The following WDR1 variants were observed in gnomAD, a reference collection of about 807,000 sequenced individuals.
The protein encoded by WDR1 is WD repeat domain 1.
Under a neutral mutation model 71.9 loss-of-function variants are expected in WDR1, and 21 were observed. That is an observed-to-expected ratio of 0.29 (90% CI 0.21 to 0.42). WDR1 has a LOEUF of 0.42. WDR1 is among the 10% of genes least tolerant of loss of function. The pLI is 1.00. For synonymous variants in WDR1, 424 were observed against 347.4 expected, an observed-to-expected ratio of 1.22 and a Z score of -2.45; for missense variants, 696 against 824.5, an observed-to-expected ratio of 0.84 and a Z score of 1.91.
chr4:10,109,492 A>T (rs1350639793), intron 2 of WDR1, among the ~76,000 whole-genome samples: 2 of 152,250 alleles, frequency 1.3e-5, no homozygotes, highest in African/African-American at 4.8e-5. Flanking sequence ...GTGTGCTTCC[A>T]AACAGTGTAC....
chr4:10,086,120 T>G (rs1218827150), intron 8 of WDR1, among the ~76,000 whole-genome samples: 1 of 152,086 alleles, frequency 6.6e-6, no homozygotes. Context: ...TGGGAAACTG[T>G]TTTTCTGGGC....
intron 5 of WDR1, among the ~76,000 whole-genome samples, chr4:10,093,773 G>A (rs934343682): frequency 6.6e-6 from 1 of 151,094 alleles, no homozygotes; most frequent in African/African-American, 2.4e-5. Context: ...CTGAAGACAA[G>A]GGAGGCGGTC....
intron 1 of WDR1, chr4:10,116,449 C>G (rs1713737195): frequency 1.2e-6 from 1 of 815,676 alleles, no homozygotes; most frequent in Non-Finnish European, 1.7e-6. Flanking sequence ...CGGCTCGGCC[C>G]ACGGCGCCAA....
chr4:10,077,463 A>G lies in WDR1; in HGVS notation c.1570-15T>C, dbSNP rs759688615. ...ACATTGTTCTCCTAGTTGCAGGTTG[A>G]AAACAAGAGAGGTGGCAGGTCAGGT... is the stretch of plus-strand genomic sequence containing the variant. On this transcript the variant is annotated splice_polypyrimidine_tract_variant and intron_variant, in intron 13 of 14. Transcript: ENST00000499869. 1 of 1,613,832 alleles carries G rather than the reference A, an allele frequency of 6.2e-7. No homozygotes were observed. Among genetic ancestry groups the G allele is most frequent in the South Asian group, 1.1e-5 (1 of 91,092 alleles).
At chr4:10,100,492 C>G (rs1354887616) in intron 3 of WDR1, among the ~76,000 whole-genome samples, 1 of 152,236 alleles carries the variant, frequency 6.6e-6, no homozygotes, top group Admixed American at 6.5e-5. Flanking sequence ...CACGAAGATG[C>G]CTTGCTTGTG....
intron 6 of WDR1, 41 bp from the exon 7 acceptor site, chr4:10,088,414 C>G: frequency 6.5e-7 from 1 of 1,532,738 alleles, no homozygotes; most frequent in South Asian, 1.2e-5. Flanking sequence ...TGTGTGTGAA[C>G]ACCCTCTGGA....
At chr4:10,113,584 C>T (rs951342400) in intron 2 of WDR1, among the ~76,000 whole-genome samples, 3 of 147,250 alleles carry the variant, frequency 2.0e-5, no homozygotes, top group Admixed American at 6.9e-5. Flanking sequence ...GCCACTCCAG[C>T]GAGTGTTGTG....
At chr4:10,081,663 T>TC (rs1237125348) in intron 10 of WDR1, among the ~76,000 whole-genome samples, 1 of 73,170 alleles carries the variant, frequency 1.4e-5, no homozygotes, top group Non-Finnish European at 2.6e-5. Context: ...CGGGGAGGGG[T>TC]GGGGGGGGGG....
At chr4:10,093,114 G>A (rs770934949) in intron 5 of WDR1, 54 of 1,289,350 alleles carry the variant, frequency 4.2e-5, no homozygotes, top group South Asian at 1.7e-4. Context: ...ATCACAGAGC[G>A]ACAGAGCGCT....
At position 10,079,138 on chromosome 4, in the gene WDR1, T is replaced by C. The variant is rs1004815997; in HGVS notation, c.1285-137A>G. ...TACCCAACCTCTTTGCAGGGCCACC[T>C]GGGGCTCTGAGCCACACCACCTGGA... On this transcript the variant is annotated intron_variant, in intron 11 of 14. Transcript: ENST00000499869. 15 of 627,258 alleles carry C rather than the reference T, an allele frequency of 2.4e-5. No individual in the cohort carries two copies. The South Asian group carries it at 2.6e-4, about 11-fold the overall frequency. The allele number at this position is 627,258 out of a possible 1,614,324, so 38.9% of individuals were successfully genotyped here.
chr4:10,109,522 C>T (rs943877786), intron 2 of WDR1, among the ~76,000 whole-genome samples: 1 of 152,222 alleles, frequency 6.6e-6, no homozygotes, highest in Non-Finnish European at 1.5e-5. Flanking sequence ...CTTGAGCTGG[C>T]TGAGGACGGG....
At chr4:10,086,361 A>G (rs1711551979) in intron 8 of WDR1, among the ~76,000 whole-genome samples, 1 of 152,204 alleles carries the variant, frequency 6.6e-6, no homozygotes, top group Non-Finnish European at 1.5e-5. Flanking sequence ...TTTATGGTTC[A>G]GCCTTCCCCC....
At chr4:10,078,117 C>T (rs1251217375) in intron 12 of WDR1, among the ~76,000 whole-genome samples, 191 bp from the exon 13 acceptor site, 1 of 152,234 alleles carries the variant, frequency 6.6e-6, no homozygotes, top group East Asian at 1.9e-4. Context: ...TCTATGAAAA[C>T]AGCTGTTGGT....
Position 10,077,294 on chromosome 4 carries a change from C to T in WDR1, c.1714+10G>A, listed in dbSNP as rs374974499. On this transcript the variant is annotated intron_variant, in intron 14 of 14. Transcript: ENST00000499869. Reference sequence around the variant, plus strand: ...GGTGGTCCCTGCCAAGGCCTGGGGGCGGAAGTCACCTTGGATCTTGACTCT... The same window carrying T: ...GGTGGTCCCTGCCAAGGCCTGGGGGTGGAAGTCACCTTGGATCTTGACTCT... 5.5e-5 allele frequency: 89 copies of T among 1,613,558 alleles called. No individual in the cohort carries two copies. Among genetic ancestry groups the T allele is most frequent in the East Asian group, 2.7e-4 (12 of 44,888 alleles).
chr4:10,100,276 C>G (rs961323173), intron 3 of WDR1, among the ~76,000 whole-genome samples: 1 of 152,212 alleles, frequency 6.6e-6, no homozygotes, highest in Non-Finnish European at 1.5e-5. Context: ...CCAGCCTCTG[C>G]CACACACAGG....
chr4:10,084,380 G>A, intron 9 of WDR1, 63 bp downstream of exon 9: 2 of 1,505,604 alleles, frequency 1.3e-6, no homozygotes. Context: ...TGGCATCATG[G>A]GAACAGGAAA....
intron 5 of WDR1, among the ~76,000 whole-genome samples, chr4:10,090,623 C>CT: frequency 6.6e-6 from 1 of 152,368 alleles, no homozygotes; most frequent in East Asian, 1.9e-4. Flanking sequence ...CAGGTAAGCC[C>CT]TCCTCAGGGT....
chr4:10,095,897 A>G (rs942003432), intron 5 of WDR1: 2 of 152,290 alleles, frequency 1.3e-5, no homozygotes, highest in African/African-American at 4.8e-5. Flanking sequence ...GGCAGGGCCC[A>G]TGGTTGTGGG....
At chr4:10,095,346 C>A (rs4235351) in intron 5 of WDR1, among the ~76,000 whole-genome samples, 152,160 of 152,404 alleles carry the variant, frequency 1, 75,958 homozygotes, top group Middle Eastern at 1. Context: ...TTTACTATAA[C>A]AGGCTCAATT....
Sources: allele counts gnomAD v4.1 joint callset (sites outside exome capture counted in the v4.1 genomes callset), GRCh38; gene constraint gnomAD v4.1.1; transcripts MANE v1.5; gene names NCBI Gene and HGNC (gene_info 2026-07-23, HGNC 2026-07-21).